FAM13B: variants seen among roughly 807,000 people sequenced by gnomAD.
The protein encoded by FAM13B is protein FAM13B.
In FAM13B, 60 loss-of-function variants were observed where a neutral mutation model predicts 117.3. The ratio of observed to expected loss-of-function variants is 0.51; its 90% confidence interval spans 0.42 to 0.63. The LOEUF (loss-of-function observed/expected upper bound fraction) is 0.63. Ranked by LOEUF, FAM13B falls within the 30% of genes least tolerant of loss-of-function variation. The pLI is 0.00. For missense variants in FAM13B, 972 were observed against 1,091.9 expected (o/e 0.89, Z 1.55); for synonymous variants, 332 against 356.1 (o/e 0.93, Z 0.76).
intron 6 of FAM13B, 51 bp from the exon 7 acceptor site, chr5:138,007,198 A>G (rs750225591): frequency 1.5e-6 from 2 of 1,318,888 alleles, no homozygotes; most frequent in Non-Finnish European, 2.0e-6. Context: ...AACCGTTAAC[A>G]CATCTAAGAC....
intron 10 of FAM13B, among the ~76,000 whole-genome samples, chr5:137,969,250 G>A (rs1044764509): frequency 3.9e-5 from 6 of 152,328 alleles, no homozygotes; most frequent in South Asian, 4.1e-4. Flanking sequence ...CTCCCAGCAC[G>A]CAGCTGGAGA....
intron 7 of FAM13B, among the ~76,000 whole-genome samples, chr5:138,006,055 T>C (rs1378078137): frequency 1.3e-5 from 2 of 151,924 alleles, no homozygotes; most frequent in Non-Finnish European, 2.9e-5. Context: ...CGCGCCACCA[T>C]GCCCGGCTAA....
chr5:138,002,642 A>C (rs1368834836), intron 7 of FAM13B, among the ~76,000 whole-genome samples: 1 of 150,666 alleles, frequency 6.6e-6, no homozygotes, highest in African/African-American at 2.4e-5. Context: ...TGAAAGGCTG[A>C]TCAAACAAAT....
chr5:137,939,851 T>G lies in FAM13B; in HGVS notation c.*374A>C. On this transcript the variant is annotated 3_prime_UTR_variant, in exon 24 of 24. Coordinates refer to ENST00000689681, the MANE Select transcript of FAM13B (RefSeq NM_001385994.1). ...TTCAGTATGAAGATTTTCCTCCAAT[T>G]TTCTTCAGTAATGAGAAACAAAAAG... 5 of 1,292,094 alleles carry G rather than the reference T, an allele frequency of 3.9e-6. No homozygotes were observed. The highest frequency in any genetic ancestry group is 4.9e-6 in the Non-Finnish European group (5 of 1,021,936). 80.0% of individuals were successfully genotyped at this position (1,292,094 alleles called of 1,614,324 possible). A position where few individuals can be genotyped will look rare whatever the true frequency, so the allele number is the denominator to read the frequency against.
chr5:137,964,445 G>A (rs1353665368), intron 10 of FAM13B, among the ~76,000 whole-genome samples: 9 of 151,490 alleles, frequency 5.9e-5, no homozygotes, highest in Non-Finnish European at 4.4e-5. Context: ...TTGGGGCCAG[G>A]CACAGTGGCT....
intron 1 of FAM13B, among the ~76,000 whole-genome samples, chr5:138,046,852 T>C (rs946231031): frequency 1.4e-4 from 22 of 152,124 alleles, no homozygotes; most frequent in African/African-American, 5.3e-4. Context: ...GTTCAAGGAA[T>C]TCTCTGCCTC....
Position 138,021,140 on chromosome 5 carries a change from C to T in FAM13B, c.-145G>A, listed in dbSNP as rs1191005018. 1.6e-6 allele frequency: 2 copies of T among 1,231,552 alleles called. No homozygotes were observed. Among genetic ancestry groups the T allele is most frequent in the East Asian group, 6.3e-5 (2 of 31,706 alleles). 76.3% of individuals were successfully genotyped at this position (1,231,552 alleles called of 1,614,324 possible). A position where few individuals can be genotyped will look rare whatever the true frequency, so the allele number is the denominator to read the frequency against. On this transcript the variant is annotated 5_prime_UTR_variant, in exon 2 of 24. Coordinates refer to ENST00000689681, the MANE Select transcript of FAM13B (RefSeq NM_001385994.1). ...GCTGTTTGAGATTATGGCAGAAGAT[C>T]AGCCTGTAGTTCCTCATTGAAGAAA...
intron 23 of FAM13B, among the ~76,000 whole-genome samples, chr5:137,941,023 A>G (rs1761598599): frequency 6.6e-6 from 1 of 152,160 alleles, no homozygotes; most frequent in Non-Finnish European, 1.5e-5. Context: ...CTCCTGCCTC[A>G]GCCTCTAGAG....
At chr5:137,990,405 C>G (rs1472395334) in intron 7 of FAM13B, among the ~76,000 whole-genome samples, 1 of 152,144 alleles carries the variant, frequency 6.6e-6, no homozygotes, top group Non-Finnish European at 1.5e-5. Flanking sequence ...CTCTCTAATT[C>G]TCAACTACTT....
At chr5:138,014,596 A>C (rs112726583) in intron 4 of FAM13B, among the ~76,000 whole-genome samples, 3 of 152,250 alleles carry the variant, frequency 2.0e-5, no homozygotes, top group Admixed American at 2.0e-4. Flanking sequence ...GATCTAGAGC[A>C]CTGCCTAGCA....
intron 10 of FAM13B, among the ~76,000 whole-genome samples, chr5:137,966,016 T>G (rs1769611855): frequency 6.6e-6 from 1 of 152,090 alleles, no homozygotes; most frequent in Non-Finnish European, 1.5e-5. Context: ...CTGTACAACT[T>G]ATACCTATTC....
chr5:138,025,990 T>G (rs890387276), intron 1 of FAM13B, among the ~76,000 whole-genome samples: 15 of 152,196 alleles, frequency 9.9e-5, no homozygotes, highest in African/African-American at 3.6e-4. Flanking sequence ...TCTACTAAAA[T>G]TAGTAGTAAG....
chr5:137,941,711 C>G (rs1261245999), intron 23 of FAM13B, among the ~76,000 whole-genome samples: 4 of 152,136 alleles, frequency 2.6e-5, no homozygotes, highest in African/African-American at 7.2e-5. Context: ...GCAATACAAC[C>G]AAGGCTCCCT....
At chr5:137,943,546 C>G (rs1306990977) in intron 20 of FAM13B, among the ~76,000 whole-genome samples, 1 of 152,174 alleles carries the variant, frequency 6.6e-6, no homozygotes, top group Non-Finnish European at 1.5e-5. Context: ...GAGATCGAGA[C>G]CATCCTGGCT....
chr5:138,007,607 A>G (rs1469343694), intron 6 of FAM13B, among the ~76,000 whole-genome samples: 1 of 152,230 alleles, frequency 6.6e-6, no homozygotes, highest in African/African-American at 2.4e-5. Context: ...TGTTAGCTAC[A>G]TTTTAGAAAA....
chr5:137,962,388 C>G lies in FAM13B; in HGVS notation c.1244+17G>C. Reference sequence around the variant, plus strand: ...AATTCTCAAAATGATTAATTAGCAACAAGAAAAAATGCTTACCTCTCAAGA... The same window carrying G: ...AATTCTCAAAATGATTAATTAGCAAGAAGAAAAAATGCTTACCTCTCAAGA... On this transcript the variant is annotated intron_variant, in intron 11 of 23. Coordinates refer to ENST00000689681, the MANE Select transcript of FAM13B (RefSeq NM_001385994.1). 1 of 1,610,382 alleles carries G rather than the reference C, an allele frequency of 6.2e-7. No individual in the cohort carries two copies. Among genetic ancestry groups the G allele is most frequent in the Non-Finnish European group, 8.5e-7 (1 of 1,178,312 alleles).
chr5:137,941,204 G>A (rs1204174196), intron 23 of FAM13B, among the ~76,000 whole-genome samples: 3 of 152,074 alleles, frequency 2.0e-5, no homozygotes, highest in Admixed American at 6.5e-5. Context: ...CACTGCGCCT[G>A]GCCCACTTCA....
intron 6 of FAM13B, among the ~76,000 whole-genome samples, chr5:138,010,401 T>A (rs1783681903): frequency 6.6e-6 from 1 of 151,996 alleles, no homozygotes; most frequent in Admixed American, 6.6e-5. Flanking sequence ...AGGCCAAGAG[T>A]TCAAGACCAA....
At chr5:137,983,553 T>C (rs1001666530) in intron 10 of FAM13B, among the ~76,000 whole-genome samples, 4 of 152,092 alleles carry the variant, frequency 2.6e-5, no homozygotes, top group African/African-American at 2.4e-5. Flanking sequence ...AATAACAGTA[T>C]AAATGTTTTA....
Sources: gnomAD v4.1 joint callset for allele counts (sites outside exome capture counted in the v4.1 genomes callset) on GRCh38, gnomAD v4.1.1 for gene constraint, MANE v1.5 for transcripts, NCBI Gene and HGNC (gene_info 2026-07-23, HGNC 2026-07-21) for gene names.